The following RPS24 variants were observed in gnomAD, a reference collection of about 807,000 sequenced individuals.
The protein encoded by RPS24 is small ribosomal subunit protein eS24.
For synonymous variants in RPS24, 72 were observed against 55.6 expected, an observed-to-expected ratio of 1.30 and a Z score of -1.31; for missense variants, 100 against 162.5, an observed-to-expected ratio of 0.62 and a Z score of 2.09.
chr10:78,052,705 A>T (rs1848111583), intron 4 of RPS24, among the ~76,000 whole-genome samples: 1 of 152,152 alleles, frequency 6.6e-6, no homozygotes, highest in African/African-American at 2.4e-5. Flanking sequence ...CCTTGAGATG[A>T]TGGGGTGTAA....
At chr10:78,047,025 A>T (rs1295391392) in intron 4 of RPS24, among the ~76,000 whole-genome samples, 1 of 151,016 alleles carries the variant, frequency 6.6e-6, no homozygotes, top group Non-Finnish European at 1.5e-5. Flanking sequence ...CAGTGGCGTG[A>T]TCTTGCTTCA....
intron 4 of RPS24, among the ~76,000 whole-genome samples, chr10:78,053,731 G>A (rs1278137348): frequency 2.0e-5 from 3 of 152,120 alleles, no homozygotes; most frequent in African/African-American, 7.2e-5. Context: ...ATAAAAAGCA[G>A]GTTGCTCACC....
chr10:78,054,169 G>C (rs1448484065), intron 4 of RPS24, among the ~76,000 whole-genome samples: 2 of 152,114 alleles, frequency 1.3e-5, no homozygotes, highest in African/African-American at 2.4e-5. Context: ...AGGAGGGCTG[G>C]GGACTAGTGC....
chr10:78,038,554 T>TTA (rs1250887324), intron 4 of RPS24: 1 of 151,076 alleles, frequency 6.6e-6, no homozygotes, highest in African/African-American at 2.4e-5. Flanking sequence ...TTTTTTTTTT[T>TTA]AAAATAGAAA....
intron 3 of RPS24, 92 bp from the exon 4 acceptor site, chr10:78,037,102 T>A: frequency 6.7e-7 from 1 of 1,492,646 alleles, no homozygotes; most frequent in South Asian, 1.3e-5. Context: ...GCTGTGTTTC[T>A]TAAGCTCAGA....
At chr10:78,055,035 G>A (rs939483296) in exon 5 of RPS24, 15 of 1,456,264 alleles carry the variant, frequency 1.0e-5, no homozygotes, top group Non-Finnish European at 1.4e-5. Flanking sequence ...CCGCCTTGCT[G>A]CATTTCTGAG....
At chr10:78,044,066 T>C (rs999005911), downstream of RPS24, among the ~76,000 whole-genome samples, 2 of 152,138 alleles carry the variant, frequency 1.3e-5, no homozygotes, top group Non-Finnish European at 2.9e-5. Flanking sequence ...TAATTATTAA[T>C]ATCTTACTCC....
chr10:78,037,180 CTT>C lies in RPS24; in HGVS notation c.280-11_280-10del, dbSNP rs756756010. On this transcript the variant is annotated splice_polypyrimidine_tract_variant and intron_variant, in intron 3 of 5. Transcript: ENST00000372360. ...TGTTTACAAGTCACCTGGATGTACT[CTT>C]TTCTCATTCAGCATGGCCTGTATGA... 148 of 1,592,048 alleles carry C rather than the reference CTT, an allele frequency of 9.3e-5. No individual in the cohort carries two copies. Among genetic ancestry groups the C allele is most frequent in the South Asian group, 1.7e-4 (15 of 87,658 alleles).
intron 4 of RPS24, among the ~76,000 whole-genome samples, chr10:78,048,454 G>T (rs902986483): frequency 6.6e-6 from 1 of 152,138 alleles, no homozygotes; most frequent in Non-Finnish European, 1.5e-5. Flanking sequence ...TGCCTGGGCA[G>T]GAAATCTCCA....
At chr10:78,047,205 A>G (rs955312990) in intron 4 of RPS24, among the ~76,000 whole-genome samples, 3 of 151,210 alleles carry the variant, frequency 2.0e-5, no homozygotes, top group Admixed American at 6.6e-5. Flanking sequence ...ACGTCAGGTG[A>G]TCCGCTGGCC....
downstream of RPS24, among the ~76,000 whole-genome samples, chr10:78,044,458 A>G (rs1564631520): frequency 6.6e-6 from 1 of 152,112 alleles, no homozygotes; most frequent in Non-Finnish European, 1.5e-5. Context: ...TGCACAATGC[A>G]TTTCTGGTGG....
rs114462177 is a variant in RPS24 at position 78,035,277 on chromosome 10, C to T, written c.4-75C>T. The T allele has an allele frequency of 8.0e-4, 1,149 of 1,427,472 alleles. 5 individuals are homozygous for T. The African/African-American group carries it at 0.014, about 18-fold the overall frequency. 88.4% of individuals were successfully genotyped at this position (1,427,472 alleles called of 1,614,324 possible). A position where few individuals can be genotyped will look rare whatever the true frequency, so the allele number is the denominator to read the frequency against. On this transcript the variant is annotated intron_variant, in intron 1 of 5. Transcript: ENST00000372360. ...TGGCTACAAATTGGACTGCAACATT[C>T]TAGGTCTTGGAAAATCACAGCAAGG...
intron 4 of RPS24, 200 bp downstream of exon 4, chr10:78,037,504 C>G: frequency 1.3e-6 from 1 of 775,488 alleles, no homozygotes. Flanking sequence ...TAGCTTGGCC[C>G]ACCCCTTGTC....
intron 4 of RPS24, among the ~76,000 whole-genome samples, chr10:78,049,545 C>G (rs111631963): frequency 6.6e-6 from 1 of 152,182 alleles, no homozygotes; most frequent in African/African-American, 2.4e-5. Flanking sequence ...ACAGCGTCTT[C>G]GAGGGCCTAG....
At chr10:78,040,566 A>C in intron 5 of RPS24, 49 bp from the exon 6 acceptor site, 1 of 1,401,560 alleles carries the variant, frequency 7.1e-7, no homozygotes, top group Non-Finnish European at 1.0e-6. Context: ...AAGACTTTAA[A>C]GAATTTTAAA....
downstream of RPS24, among the ~76,000 whole-genome samples, chr10:78,044,923 CTCA>C (rs1325068825): frequency 6.6e-6 from 1 of 151,912 alleles, no homozygotes; most frequent in Non-Finnish European, 1.5e-5. Flanking sequence ...GCTCTGGCTG[CTCA>C]TCATGCATAT....
intron 1 of RPS24, among the ~76,000 whole-genome samples, chr10:78,034,589 C>G (rs1393181791): frequency 6.6e-6 from 1 of 152,060 alleles, no homozygotes; most frequent in African/African-American, 2.4e-5. Context: ...TGGAGAAAGT[C>G]TAGGAAGTTA....
At chr10:78,041,866 C>G (rs1359768259), downstream of RPS24, among the ~76,000 whole-genome samples, 3 of 152,152 alleles carry the variant, frequency 2.0e-5, no homozygotes, top group Non-Finnish European at 4.4e-5. Flanking sequence ...TGCAGAGAGC[C>G]TGAATGATTG....
chr10:78,047,681 G>A (rs1848059582), intron 4 of RPS24, among the ~76,000 whole-genome samples: 2 of 152,224 alleles, frequency 1.3e-5, no homozygotes, highest in Admixed American at 1.3e-4. Context: ...TGTGCATGGT[G>A]ATGTCTACCC....
Sources: allele counts gnomAD v4.1 joint callset (sites outside exome capture counted in the v4.1 genomes callset), GRCh38; gene constraint gnomAD v4.1.1; transcripts MANE v1.5; gene names NCBI Gene and HGNC (gene_info 2026-07-23, HGNC 2026-07-21).